Variants in RPAP3 observed in about 807,000 individuals in gnomAD.
RPAP3 encodes RNA polymerase II-associated protein 3.
In RPAP3, 58 loss-of-function variants were observed where a neutral mutation model predicts 88.8. The ratio of observed to expected loss-of-function variants is 0.65; its 90% CI spans 0.53 to 0.81. The LOEUF (loss-of-function observed/expected upper bound fraction) is 0.81. Ranked by LOEUF, RPAP3 falls within the 40% of genes least tolerant of loss-of-function variation. The pLI, the probability that RPAP3 is intolerant of heterozygous loss-of-function variation, is 0.00. For missense variants in RPAP3, 751 were observed against 764.3 expected (o/e 0.98, Z 0.20); for synonymous variants, 255 against 259.9 (o/e 0.98, Z 0.18).
At chr12:47,674,283 G>C (rs547854713) in intron 12 of RPAP3, among the ~76,000 whole-genome samples, 1 of 152,180 alleles carries the variant, frequency 6.6e-6, no homozygotes, top group South Asian at 2.1e-4. Context: ...AAACCACAAA[G>C]ATGGGGAGAA....
intron 12 of RPAP3, among the ~76,000 whole-genome samples, chr12:47,671,326 A>C (rs1938993006): frequency 6.6e-6 from 1 of 152,196 alleles, no homozygotes; most frequent in Non-Finnish European, 1.5e-5. Context: ...ACTTTTGTAT[A>C]TGTTTGAAAT....
intron 5 of RPAP3, among the ~76,000 whole-genome samples, chr12:47,693,072 G>T (rs563449679): frequency 6.6e-6 from 1 of 152,184 alleles, no homozygotes; most frequent in African/African-American, 2.4e-5. Context: ...GTAGAGACAG[G>T]GTTTCACCAT....
chr12:47,668,427 T>C lies in RPAP3; in HGVS notation c.1713+489A>G, dbSNP rs138516282. Among the ~76,000 whole-genome samples, 514 of 152,292 alleles carry C rather than the reference T, an allele frequency of 3.4e-3. 7 individuals carry two copies. The highest frequency in any genetic ancestry group is 5.4e-3 in the Non-Finnish European group (370 of 68,014). Reference sequence around the variant, plus strand: ...AAATATAACTAGAGATTTTTAAAAGTAGAATTACATGAGAAAACGTATTTG... The same window carrying C: ...AAATATAACTAGAGATTTTTAAAAGCAGAATTACATGAGAAAACGTATTTG... On this transcript the variant is annotated intron_variant, in intron 14 of 16. Transcript: ENST00000005386.
At chr12:47,677,146 T>C (rs530936606) in intron 12 of RPAP3, among the ~76,000 whole-genome samples, 6 of 152,252 alleles carry the variant, frequency 3.9e-5, no homozygotes, top group African/African-American at 1.2e-4. Flanking sequence ...AAAAACCACA[T>C]GGTTATCCCA....
chr12:47,697,488 CAT>C, intron 4 of RPAP3, 107 bp downstream of exon 4: 1 of 1,031,308 alleles, frequency 9.7e-7, no homozygotes, highest in Non-Finnish European at 1.4e-6. Context: ...CCAAAAACAA[CAT>C]AAAGTTTAAA....
intron 5 of RPAP3, among the ~76,000 whole-genome samples, chr12:47,691,105 G>C (rs1386432777): frequency 2.0e-5 from 3 of 152,020 alleles, no homozygotes; most frequent in African/African-American, 7.3e-5. Flanking sequence ...GGTGGTGGTA[G>C]CATGTGATGC....
At chr12:47,695,559 C>T (rs1309640537) in intron 5 of RPAP3, among the ~76,000 whole-genome samples, 1 of 152,024 alleles carries the variant, frequency 6.6e-6, no homozygotes, top group Non-Finnish European at 1.5e-5. Flanking sequence ...GCTTTATAGG[C>T]TTATTTTAAA....
intron 16 of RPAP3, among the ~76,000 whole-genome samples, chr12:47,665,098 T>C (rs1329522170): frequency 1.3e-5 from 2 of 151,590 alleles, no homozygotes; most frequent in Admixed American, 6.6e-5. Context: ...GTAATTTTTT[T>C]TTTTTTTTTT....
intron 9 of RPAP3, among the ~76,000 whole-genome samples, chr12:47,683,980 T>C (rs1010486237): frequency 2.0e-5 from 3 of 152,164 alleles, no homozygotes; most frequent in African/African-American, 7.2e-5. Context: ...TAATATCTAA[T>C]ACTACTGGGT....
At position 47,676,032 on chromosome 12, in the gene RPAP3, C is replaced by T. The variant is rs983887332; in HGVS notation, c.1287+3461G>A. Reference sequence around the variant, plus strand: ...TCAGCAAATGTGAAAGAACAGAAATCACAACAAACTGTCTCTCAGACCACA... The same window carrying T: ...TCAGCAAATGTGAAAGAACAGAAATTACAACAAACTGTCTCTCAGACCACA... On this transcript the variant is annotated intron_variant, in intron 12 of 16. Coordinates refer to ENST00000005386, the MANE Select transcript of RPAP3 (RefSeq NM_024604.3). Among the ~76,000 whole-genome samples the T allele has an allele frequency of 2.6e-5, 4 of 152,100 alleles. No homozygotes were observed. The East Asian group carries it at 7.7e-4, about 29-fold the overall frequency.
chr12:47,668,975 G>A lies in RPAP3; in HGVS notation c.1654C>T (p.Leu552Phe), dbSNP rs781185048. 2.5e-6 allele frequency: 4 copies of A among 1,614,030 alleles called. No individual in the cohort carries two copies. The South Asian group carries it at 3.3e-5, about 13-fold the overall frequency. Residue 552 changes from leucine (L) to phenylalanine (F), a missense_variant, in exon 14 of 17, where the codon CTC (leucine) becomes TTC (phenylalanine). Physicochemically the swap from Leu to Phe is conservative, Grantham distance 22. Transcript: ENST00000005386. ...LPPIPANSFQ[L>F]ESDFRQLKSS... ...TTCAATTGTCTGAAATCAGATTCGA[G>A]CTGGAACGAGTTTGCAGGAATTGGA...
rs1303522868 is a variant in RPAP3 at position 47,661,263 on chromosome 12, A to C, written c.*2242T>G. 1 of 152,172 alleles carries C rather than the reference A, an allele frequency of 6.6e-6. No homozygotes were observed. The highest frequency in any genetic ancestry group is 1.5e-5 in the Non-Finnish European group (1 of 68,034). 9.4% of individuals were successfully genotyped at this position (152,172 alleles called of 1,614,324 possible). A position where few individuals can be genotyped will look rare whatever the true frequency, so the allele number is the denominator to read the frequency against. The stretch of plus-strand genomic sequence containing the variant: ...GTATACGCAGGTTATTTGACCCAAA[A>C]ATGACTTTATTAACCACTATGCTAT... On this transcript the variant is annotated 3_prime_UTR_variant, in exon 17 of 17. Coordinates refer to ENST00000005386, the MANE Select transcript of RPAP3 (RefSeq NM_024604.3).
chr12:47,669,108 A>T lies in RPAP3; in HGVS notation c.1527-6T>A, dbSNP rs779784386. On this transcript the variant is annotated splice_region_variant and splice_polypyrimidine_tract_variant and intron_variant, in intron 13 of 16. Transcript: ENST00000005386. ...GCTTCAAACTGGCTTGAGGTCTGAAATATTTCAGAGGTATCAAACAGAAAA... is the reference window on the plus strand; with the variant it reads ...GCTTCAAACTGGCTTGAGGTCTGAATTATTTCAGAGGTATCAAACAGAAAA... 1.2e-6 allele frequency: 2 copies of T among 1,604,956 alleles called. No homozygotes were observed. Among genetic ancestry groups the T allele is most frequent in the Admixed American group, 3.3e-5 (2 of 59,732 alleles).
chr12:47,694,540 T>C (rs1049728067), intron 5 of RPAP3, among the ~76,000 whole-genome samples: 2 of 152,012 alleles, frequency 1.3e-5, no homozygotes, highest in African/African-American at 4.8e-5. Flanking sequence ...TTTCTATTCA[T>C]TAAAATTCCA....
chr12:47,690,043 A>C (rs1267596151), intron 6 of RPAP3, among the ~76,000 whole-genome samples: 1 of 146,732 alleles, frequency 6.8e-6, no homozygotes, highest in Non-Finnish European at 1.5e-5. Context: ...CTCTGTCTCA[A>C]AAAAAAAAAA....
chr12:47,663,476 A>T lies in RPAP3; in HGVS notation c.*29T>A. 1 of 1,466,482 alleles carries T rather than the reference A, an allele frequency of 6.8e-7. No individual in the cohort carries two copies. Among genetic ancestry groups the T allele is most frequent in the Non-Finnish European group, 9.4e-7 (1 of 1,066,080 alleles). The allele number at this position is 1,466,482 out of a possible 1,614,324, so 90.8% of individuals were successfully genotyped here. A position where few individuals can be genotyped will look rare whatever the true frequency, so the allele number is the denominator to read the frequency against. On this transcript the variant is annotated 3_prime_UTR_variant, in exon 17 of 17. Transcript: ENST00000005386. ...TAGAAAAAATTTACATATGAAAGTC[A>T]AAAACAATTATTTCAGCAAAAATGG... is the stretch of plus-strand genomic sequence containing the variant.
At chr12:47,705,734 C>G (rs529301246) in intron 1 of RPAP3, among the ~76,000 whole-genome samples, 8 of 152,310 alleles carry the variant, frequency 5.3e-5, no homozygotes, top group African/African-American at 1.9e-4. Context: ...CAAAGCAGAG[C>G]GCGCAGGCCC....
At chr12:47,666,767 T>C (rs1472769338) in intron 16 of RPAP3, among the ~76,000 whole-genome samples, 1 of 152,184 alleles carries the variant, frequency 6.6e-6, no homozygotes, top group East Asian at 1.9e-4. Flanking sequence ...CTACACTTCA[T>C]AATATTGTCA....
At chr12:47,670,028 C>A in intron 13 of RPAP3, 79 bp downstream of exon 13, 1 of 926,296 alleles carries the variant, frequency 1.1e-6, no homozygotes, top group South Asian at 1.5e-5. Flanking sequence ...GAGTACAAAT[C>A]AGAAGTCTCA....
Sources: allele counts gnomAD v4.1 joint callset (sites outside exome capture counted in the v4.1 genomes callset), GRCh38; gene constraint gnomAD v4.1.1; transcripts MANE v1.5; gene names NCBI Gene and HGNC (gene_info 2026-07-23, HGNC 2026-07-21).